Variants in ARL15 observed in about 807,000 individuals in gnomAD.
ARL15 encodes ADP-ribosylation factor-like protein 15.
ARL15 carries 19 observed loss-of-function variants against 25.2 expected under a neutral mutation model. The ratio of observed to expected loss-of-function variants is 0.75; its 90% CI spans 0.53 to 1.10. ARL15 has a LOEUF of 1.10. Ranked by LOEUF, ARL15 falls within the 50% of genes least tolerant of loss-of-function variation. The probability of loss-of-function intolerance (pLI) is 0.00; values close to 1 mark genes in which losing one functional copy is unlikely to be tolerated. For missense variants in ARL15, 220 were observed against 246.0 expected, an observed-to-expected ratio of 0.89 and a Z score of 0.71; for synonymous variants, 94 against 86.8, an observed-to-expected ratio of 1.08 and a Z score of -0.46.
At chr5:54,140,846 T>C (rs1468924535) in intron 3 of ARL15, among the ~76,000 whole-genome samples, 3 of 152,180 alleles carry the variant, frequency 2.0e-5, no homozygotes, top group African/African-American at 7.2e-5. Context: ...GGTATTTCAT[T>C]ACCCATACAC....
Position 54,266,284 on chromosome 5 carries a change from G to A in ARL15, c.48+44148C>T, listed in dbSNP as rs75346688. Among the ~76,000 whole-genome samples the A allele has an allele frequency of 6.3e-3, 955 of 152,242 alleles. 7 individuals carry two copies. Among genetic ancestry groups the A allele is most frequent in the African/African-American group, 0.022 (913 of 41,536 alleles). Reference sequence around the variant, plus strand: ...TGGAAATGAGAGCAGACCTCTCCCCGTGGCTGTACATAATAGATGACCTTG... The same window carrying A: ...TGGAAATGAGAGCAGACCTCTCCCCATGGCTGTACATAATAGATGACCTTG... On this transcript the variant is annotated intron_variant, in intron 1 of 4. Coordinates refer to ENST00000504924, the MANE Select transcript of ARL15 (RefSeq NM_019087.3).
At chr5:54,309,923 A>C (rs1758851802) in intron 1 of ARL15, among the ~76,000 whole-genome samples, 3 of 152,190 alleles carry the variant, frequency 2.0e-5, no homozygotes, top group African/African-American at 7.2e-5. Context: ...GCTTTATGGT[A>C]ATGTGCTTTT....
At chr5:54,032,192 G>T (rs1014614128) in intron 4 of ARL15, among the ~76,000 whole-genome samples, 2 of 151,810 alleles carry the variant, frequency 1.3e-5, no homozygotes, top group South Asian at 2.1e-4. Flanking sequence ...TTTTTCTTAG[G>T]TCTAAATGAC....
chr5:54,093,445 T>G (rs1451205920), intron 4 of ARL15, among the ~76,000 whole-genome samples: 1 of 152,150 alleles, frequency 6.6e-6, no homozygotes, highest in Non-Finnish European at 1.5e-5. Flanking sequence ...TCATTCTCCC[T>G]GCACTCACTT....
intron 4 of ARL15, among the ~76,000 whole-genome samples, chr5:53,914,243 G>A (rs1309345171): frequency 6.6e-6 from 1 of 151,848 alleles, no homozygotes; most frequent in East Asian, 1.9e-4. Context: ...AAGCTTGGTG[G>A]TATAGCAGTC....
At chr5:54,103,779 T>C (rs1305834655) in intron 4 of ARL15, among the ~76,000 whole-genome samples, 1 of 152,180 alleles carries the variant, frequency 6.6e-6, no homozygotes, top group African/African-American at 2.4e-5. Context: ...ATTCTATTCA[T>C]TGCAAAAGAT....
chr5:54,127,113 G>A (rs536148958), intron 3 of ARL15, among the ~76,000 whole-genome samples: 12 of 152,148 alleles, frequency 7.9e-5, no homozygotes, highest in Non-Finnish European at 1.6e-4. Flanking sequence ...TTGTTCTTGC[G>A]ATAGTTTACT....
chr5:54,005,989 G>A (rs1442842459), intron 4 of ARL15, among the ~76,000 whole-genome samples: 4 of 143,564 alleles, frequency 2.8e-5, no homozygotes, highest in Non-Finnish European at 6.0e-5. Flanking sequence ...GGTGGAGGTT[G>A]CATTGAGCTG....
chr5:54,143,918 T>C (rs1022620160), intron 3 of ARL15, among the ~76,000 whole-genome samples: 2 of 152,016 alleles, frequency 1.3e-5, no homozygotes, highest in Admixed American at 1.3e-4. Flanking sequence ...TAATTGCCTT[T>C]AAGACACATA....
Position 54,171,886 on chromosome 5 carries a change from G to T in ARL15, c.91C>A (p.Pro31Thr). The T allele has an allele frequency of 6.2e-7, 1 of 1,613,552 alleles. No homozygotes were observed. The highest frequency in any genetic ancestry group is 8.5e-7 in the Non-Finnish European group (1 of 1,179,614). ...LCCKGPPPAR[P>T]EYDLVCIGLT... ...CCTATGCAAACCAGGTCATATTCTG[G>T]TCGTGCAGGTGGTGGTCCCTTGCAG... Residue 31 changes from proline to threonine, a missense_variant, in exon 2 of 5, where the codon CCA becomes ACA. By Grantham distance (38) the Pro-to-Thr change is conservative. Transcript: ENST00000504924.
chr5:54,093,888 A>G (rs558947215), intron 4 of ARL15, among the ~76,000 whole-genome samples: 1 of 152,208 alleles, frequency 6.6e-6, no homozygotes, highest in South Asian at 2.1e-4. Context: ...TGCTATAAAA[A>G]CAGATTCTCT....
intron 4 of ARL15, among the ~76,000 whole-genome samples, chr5:54,007,007 C>T (rs57898694): frequency 0.28 from 42,017 of 151,924 alleles, 6,048 homozygotes; most frequent in East Asian, 0.46. Context: ...AGGAGAATTG[C>T]TTGAACCCAG....
intron 1 of ARL15, among the ~76,000 whole-genome samples, chr5:54,204,990 A>G (rs1174439528): frequency 2.1e-5 from 3 of 140,820 alleles, no homozygotes; most frequent in African/African-American, 8.1e-5. Flanking sequence ...GCTGAAGTGC[A>G]GTGGCACAAT....
At chr5:54,204,973 T>C (rs1302968663) in intron 1 of ARL15, among the ~76,000 whole-genome samples, 1 of 151,602 alleles carries the variant, frequency 6.6e-6, no homozygotes, top group Non-Finnish European at 1.5e-5. Flanking sequence ...TGACTCTTTT[T>C]GTCCAGGCTG....
intron 4 of ARL15, among the ~76,000 whole-genome samples, chr5:53,889,133 T>C (rs1399773685): frequency 6.6e-6 from 1 of 151,982 alleles, no homozygotes; most frequent in Non-Finnish European, 1.5e-5. Context: ...AATATTAAAA[T>C]AATAAATAAT....
At chr5:54,285,449 C>CA (rs1758159413) in intron 1 of ARL15, 1 of 412,216 alleles carries the variant, frequency 2.4e-6, no homozygotes, top group Non-Finnish European at 3.3e-6. Flanking sequence ...CTATACAGTC[C>CA]AAAAAATGGT....
intron 4 of ARL15, among the ~76,000 whole-genome samples, chr5:53,969,705 T>C (rs1747674385): frequency 6.6e-6 from 1 of 152,174 alleles, no homozygotes; most frequent in Non-Finnish European, 1.5e-5. Context: ...TGCAATGGGA[T>C]AGTGATCTCT....
chr5:54,189,446 C>A (rs77400104), intron 1 of ARL15, among the ~76,000 whole-genome samples: 5,253 of 152,148 alleles, frequency 0.035, 153 homozygotes, highest in East Asian at 0.14. Context: ...TAAACACAGA[C>A]ATATAGACCA....
chr5:53,895,619 A>C (rs369433328), intron 4 of ARL15, among the ~76,000 whole-genome samples: 1 of 152,268 alleles, frequency 6.6e-6, no homozygotes, highest in South Asian at 2.1e-4. Context: ...AGTTTGTTAA[A>C]TTTACACCAC....
Sources: allele counts gnomAD v4.1 joint callset (sites outside exome capture counted in the v4.1 genomes callset), GRCh38; gene constraint gnomAD v4.1.1; transcripts MANE v1.5; gene names NCBI Gene and HGNC (gene_info 2026-07-23, HGNC 2026-07-21).